PPP1R1C: variants seen among roughly 807,000 people sequenced by gnomAD.
PPP1R1C encodes the protein protein phosphatase 1 regulatory inhibitor subunit 1C.
In PPP1R1C, 15 loss-of-function variants were observed where a neutral mutation model predicts 17.4. The observed-to-expected ratio is 0.86, with a 90% CI of 0.58 to 1.33. The LOEUF is 1.33. Ranked by LOEUF, PPP1R1C falls within the 40% of genes most tolerant of loss-of-function variation. The probability of loss-of-function intolerance (pLI) is 0.00; values close to 1 mark genes in which losing one functional copy is unlikely to be tolerated. For synonymous variants in PPP1R1C, 35 were observed against 43.1 expected, an observed-to-expected ratio of 0.81 and a Z score of 0.73; for missense variants, 143 against 130.0, an observed-to-expected ratio of 1.10 and a Z score of -0.48.
At chr2:182,113,258 T>C (rs1216004989) in intron 4 of PPP1R1C, among the ~76,000 whole-genome samples, 1 of 152,224 alleles carries the variant, frequency 6.6e-6, no homozygotes, top group Non-Finnish European at 1.5e-5. Flanking sequence ...ATGTCAGCCA[T>C]TGACTCTATT....
chr2:182,008,575 A>G (rs1312998999), intron 2 of PPP1R1C, among the ~76,000 whole-genome samples: 1 of 152,214 alleles, frequency 6.6e-6, no homozygotes, highest in Non-Finnish European at 1.5e-5. Flanking sequence ...TTTATGGGGT[A>G]CATGGGATAT....
At chr2:181,954,570 C>T (rs1684639796) in exon 1 of PPP1R1C, 1 of 152,086 alleles carries the variant, frequency 6.6e-6, no homozygotes. Context: ...AACCAAGAAA[C>T]TTCAGAAACC....
At chr2:182,035,319 T>A (rs1686971151) in intron 2 of PPP1R1C, among the ~76,000 whole-genome samples, 1 of 152,274 alleles carries the variant, frequency 6.6e-6, no homozygotes, top group Non-Finnish European at 1.5e-5. Context: ...TTTTTCACAA[T>A]ATTTCATCAG....
At chr2:182,085,200 A>T (rs1047626839) in intron 4 of PPP1R1C, among the ~76,000 whole-genome samples, 3 of 152,112 alleles carry the variant, frequency 2.0e-5, no homozygotes, top group African/African-American at 7.2e-5. Context: ...TCATATCATT[A>T]GCAAACAGAG....
intron 4 of PPP1R1C, among the ~76,000 whole-genome samples, chr2:182,109,841 C>G (rs1223688189): frequency 1.3e-5 from 2 of 152,176 alleles, no homozygotes; most frequent in African/African-American, 2.4e-5. Context: ...TCAGCCACCA[C>G]TGGGCATGTT....
intron 2 of PPP1R1C, among the ~76,000 whole-genome samples, chr2:182,042,103 A>T (rs1687202600): frequency 6.6e-6 from 1 of 152,138 alleles, no homozygotes; most frequent in African/African-American, 2.4e-5. Context: ...TTGAATTGTG[A>T]TAATTGAATT....
rs1231135606 is a variant in PPP1R1C, at chr2:182,029,746, C to G, written c.143-31696C>G. Reference sequence around the variant, plus strand: ...GTGGCGTTCTGTGTATTTCCTGAATCTGAACGTTGGCCTGCCTTGCTAGAT... The same window carrying G: ...GTGGCGTTCTGTGTATTTCCTGAATGTGAACGTTGGCCTGCCTTGCTAGAT... On this transcript the variant is annotated intron_variant, in intron 2 of 4. Transcript: ENST00000682840. Among the ~76,000 whole-genome samples the G allele has an allele frequency of 4.3e-4, 43 of 99,282 alleles. 3 individuals are homozygous for G. The South Asian group carries it at 0.014, about 31-fold the overall frequency. 65.1% of individuals were successfully genotyped at this position (99,282 alleles called of 152,430 possible).
At chr2:182,125,949 G>A (rs1689862415) in intron 5 of PPP1R1C, among the ~76,000 whole-genome samples, 1 of 152,000 alleles carries the variant, frequency 6.6e-6, no homozygotes, top group Admixed American at 6.6e-5. Flanking sequence ...CTTGTCTTCT[G>A]CAAGCTTTTG....
chr2:181,964,245 A>C (rs1326390267), intron 1 of PPP1R1C, among the ~76,000 whole-genome samples: 2 of 152,144 alleles, frequency 1.3e-5, no homozygotes, highest in Non-Finnish European at 2.9e-5. Flanking sequence ...TATTTCACTT[A>C]ATTAACATAA....
At chr2:181,956,638 G>A (rs1228644741) in intron 1 of PPP1R1C, among the ~76,000 whole-genome samples, 2 of 152,150 alleles carry the variant, frequency 1.3e-5, no homozygotes, top group African/African-American at 2.4e-5. Flanking sequence ...GCATTTCTCT[G>A]ATGACCAGTG....
intron 4 of PPP1R1C, among the ~76,000 whole-genome samples, chr2:182,109,919 C>T (rs1433559440): frequency 6.6e-6 from 1 of 152,120 alleles, no homozygotes; most frequent in Non-Finnish European, 1.5e-5. Context: ...CCATAAAAAG[C>T]ATATCAGGAC....
At position 182,094,209 on chromosome 2, in the gene PPP1R1C, G is replaced by A. The variant is rs924938925; in HGVS notation, c.242-22998G>A. 5.9e-5 allele frequency among the ~76,000 whole-genome samples: 9 copies of A among 152,136 alleles called. No homozygotes were observed. In the East Asian group the frequency reaches 1.5e-3, roughly 26 times the overall value. On this transcript the variant is annotated intron_variant, in intron 4 of 4. Transcript: ENST00000682840. ...GGTGGCAGGCAAAAAAAGAGCTTGTGCAGAGAAACTCCCACTTATAAAACC... is the reference window on the plus strand; with the variant it reads ...GGTGGCAGGCAAAAAAAGAGCTTGTACAGAGAAACTCCCACTTATAAAACC...
intron 2 of PPP1R1C, among the ~76,000 whole-genome samples, chr2:182,002,981 T>C (rs922170383): frequency 2.3e-5 from 3 of 133,220 alleles, no homozygotes; most frequent in African/African-American, 5.4e-5. Context: ...AACTATTATA[T>C]TGGGAGAAAA....
At chr2:181,978,065 A>G (rs1685125150) in intron 2 of PPP1R1C, among the ~76,000 whole-genome samples, 1 of 152,204 alleles carries the variant, frequency 6.6e-6, no homozygotes. Context: ...GAAGACAAAG[A>G]AAGAACAAAG....
intron 2 of PPP1R1C, among the ~76,000 whole-genome samples, chr2:182,036,415 T>C (rs1341375680): frequency 6.6e-6 from 1 of 152,222 alleles, no homozygotes; most frequent in Non-Finnish European, 1.5e-5. Context: ...TACTGGATTA[T>C]TACTATTATT....
intron 2 of PPP1R1C, among the ~76,000 whole-genome samples, chr2:182,020,638 G>C (rs1686392593): frequency 6.6e-6 from 1 of 152,058 alleles, no homozygotes; most frequent in Admixed American, 6.6e-5. Context: ...TCCATAAGGG[G>C]TTTAAAGTCC....
At chr2:182,093,392 G>C (rs1688844228) in intron 4 of PPP1R1C, among the ~76,000 whole-genome samples, 1 of 152,192 alleles carries the variant, frequency 6.6e-6, no homozygotes, top group Non-Finnish European at 1.5e-5. Flanking sequence ...GATGGGAAAG[G>C]CTGCTGAAAA....
downstream of PPP1R1C, among the ~76,000 whole-genome samples, chr2:182,119,639 C>G (rs887362211): frequency 2.6e-5 from 4 of 152,290 alleles, no homozygotes; most frequent in African/African-American, 9.6e-5. Context: ...TTTTGATTTG[C>G]ATTTCTCTGA....
At chr2:182,074,161 C>T (rs530740165) in intron 4 of PPP1R1C, among the ~76,000 whole-genome samples, 2 of 151,818 alleles carry the variant, frequency 1.3e-5, no homozygotes, top group African/African-American at 2.4e-5. Context: ...TCTGCCTCAG[C>T]CTCCCAAGTA....
Sources: gnomAD v4.1 joint callset for allele counts (sites outside exome capture counted in the v4.1 genomes callset) on GRCh38, gnomAD v4.1.1 for gene constraint, MANE v1.5 for transcripts, NCBI Gene and HGNC (gene_info 2026-07-23, HGNC 2026-07-21) for gene names.